KCNJ8: variants seen among roughly 807,000 people sequenced by gnomAD.
The protein encoded by KCNJ8 is ATP-sensitive inward rectifier potassium channel 8.
Under a neutral mutation model 28.2 loss-of-function variants are expected in KCNJ8, and 13 were observed. The observed-to-expected ratio is 0.46, with a 90% CI of 0.30 to 0.73. The LOEUF (loss-of-function observed/expected upper bound fraction) is 0.73. Among genes scored for constraint, KCNJ8 ranks in the 30% least tolerant of loss-of-function variants. The probability of loss-of-function intolerance (pLI) is 0.07; values close to 1 mark genes in which losing one functional copy is unlikely to be tolerated. For synonymous variants in KCNJ8, 188 were observed against 195.9 expected, an observed-to-expected ratio of 0.96 and a Z score of 0.34; for missense variants, 284 against 542.6, an observed-to-expected ratio of 0.52 and a Z score of 4.73.
chr12:21,772,377 T>TC (rs1445203828), intron 2 of KCNJ8, among the ~76,000 whole-genome samples: 1 of 151,892 alleles, frequency 6.6e-6, no homozygotes, highest in African/African-American at 2.4e-5. Flanking sequence ...TCTTTCCACC[T>TC]CCCCCCGAAA....
intron 2 of KCNJ8, among the ~76,000 whole-genome samples, chr12:21,771,541 G>T (rs201342557): frequency 6.6e-6 from 1 of 152,166 alleles, no homozygotes; most frequent in African/African-American, 2.4e-5. Flanking sequence ...ACATTATTTG[G>T]AAATACTGGT....
intron 2 of KCNJ8, among the ~76,000 whole-genome samples, chr12:21,771,992 A>G (rs1276352503): frequency 6.6e-6 from 1 of 152,262 alleles, no homozygotes; most frequent in Non-Finnish European, 1.5e-5. Flanking sequence ...CAATATTAAA[A>G]GCAATAGATC....
intron 2 of KCNJ8, among the ~76,000 whole-genome samples, chr12:21,772,626 T>G (rs1303146365): frequency 2.0e-5 from 3 of 152,224 alleles, no homozygotes; most frequent in Non-Finnish European, 4.4e-5. Context: ...CATTAAAAAT[T>G]AGCAATTTCT....
chr12:21,773,768 T>G lies in KCNJ8; in HGVS notation c.-70-82A>C. On this transcript the variant is annotated intron_variant, in intron 1 of 2. Transcript: ENST00000240662. This position sits in a 1 kb window ranked among gnomAD's most constrained non-coding sequence, Gnocchi z 4.6. ...GGGTCCTTGTATTCAAGGATATGTCTGTACATGTGCGAGGTGACATGCAAA... is the reference window on the plus strand; with the variant it reads ...GGGTCCTTGTATTCAAGGATATGTCGGTACATGTGCGAGGTGACATGCAAA... The G allele has an allele frequency of 9.9e-7, 1 of 1,012,160 alleles. No homozygotes were observed. 62.7% of individuals were successfully genotyped at this position (1,012,160 alleles called of 1,614,324 possible).
At chr12:21,770,852 C>A (rs1272720564) in intron 2 of KCNJ8, among the ~76,000 whole-genome samples, 3 of 152,198 alleles carry the variant, frequency 2.0e-5, no homozygotes, top group African/African-American at 7.2e-5. Flanking sequence ...CATTAGCAAT[C>A]TCTCAAAGTA....
At chr12:21,771,011 C>T (rs1412621543) in intron 2 of KCNJ8, among the ~76,000 whole-genome samples, 9 of 152,102 alleles carry the variant, frequency 5.9e-5, no homozygotes, top group Admixed American at 2.0e-4. Flanking sequence ...AAGTGAAGTG[C>T]GAAAGTTGCC....
At chr12:21,767,634 A>G (rs549393253) in intron 2 of KCNJ8, among the ~76,000 whole-genome samples, 5 of 152,272 alleles carry the variant, frequency 3.3e-5, no homozygotes, top group Non-Finnish European at 4.4e-5. Context: ...CCTGGCTCCA[A>G]AAAGGTTGGG....
intron 2 of KCNJ8, among the ~76,000 whole-genome samples, chr12:21,767,300 G>T (rs777963757): frequency 7.0e-6 from 1 of 142,938 alleles, no homozygotes; most frequent in African/African-American, 2.7e-5. Context: ...TTAAGTCAGG[G>T]GTCCCCAACC....
In KCNJ8 at chr12:21,773,228, C is replaced by T. The variant is rs532763090; in HGVS notation, c.374+15G>A. 3.7e-6 allele frequency: 6 copies of T among 1,612,412 alleles called. No homozygotes were observed. Among genetic ancestry groups the T allele is most frequent in the Non-Finnish European group, 5.1e-6 (6 of 1,179,910 alleles). On this transcript the variant is annotated intron_variant, in intron 2 of 2. Coordinates refer to ENST00000240662, the MANE Select transcript of KCNJ8 (RefSeq NM_004982.4). This position sits in a 1 kb window ranked among gnomAD's most constrained non-coding sequence, Gnocchi z 4.6. ...TACTGTTTTCAACCCCTGCCTCATCCCACTACATTCTTACCTGACATTAGT... is the reference window on the plus strand; with the variant it reads ...TACTGTTTTCAACCCCTGCCTCATCTCACTACATTCTTACCTGACATTAGT...
chr12:21,773,520 T>C lies in KCNJ8; in HGVS notation c.97A>G (p.Lys33Glu), dbSNP rs1940809241. The C allele has an allele frequency of 4.3e-6, 7 of 1,614,252 alleles. No individual in the cohort carries two copies. The East Asian group carries it at 1.3e-4, about 31-fold the overall frequency. Residue 33 changes from lysine to glutamate, a missense_variant, in exon 2 of 3, where the codon AAA (lysine) becomes GAA (glutamate). Physicochemically the swap from Lys to Glu is moderately conservative, Grantham distance 56. This residue lies in a region of KCNJ8 where 54 missense variants were observed against 77.5 expected (regional missense o/e 0.70). Transcript: ENST00000240662. The surrounding 1 kb of genome is among the most constrained non-coding windows in gnomAD (Gnocchi z 4.6). ...CCGCTCTTGGCGATGAAGCGGGCTTTGGGGAGGCGGTCTCGGATGCGCGGC... is the reference window on the plus strand; with the variant it reads ...CCGCTCTTGGCGATGAAGCGGGCTTCGGGGAGGCGGTCTCGGATGCGCGGC... The part of the protein sequence containing the change: ...RKPRIRDRLP[K>E]ARFIAKSGAC...
In KCNJ8 at chr12:21,766,819, T is replaced by C; in HGVS notation, c.375-196A>G. On this transcript the variant is annotated intron_variant, in intron 2 of 2. Transcript: ENST00000240662. This position sits in a 1 kb window ranked among gnomAD's most constrained non-coding sequence, Gnocchi z 6.5. ...TCTCTCTCTCTTGCATGCATCTACCTCCAGACTTCTGGAGATTAACATTCT... is the reference window on the plus strand; with the variant it reads ...TCTCTCTCTCTTGCATGCATCTACCCCCAGACTTCTGGAGATTAACATTCT... 1.6e-6 allele frequency: 1 copy of C among 606,374 alleles called. No individual in the cohort carries two copies. The allele number at this position is 606,374 out of a possible 1,614,324, so 37.6% of individuals were successfully genotyped here. A position where few individuals can be genotyped will look rare whatever the true frequency, so the allele number is the denominator to read the frequency against.
rs1220035785 is a variant in KCNJ8, at chr12:21,773,869, T to C, written c.-70-183A>G. 6.6e-6 allele frequency among the ~76,000 whole-genome samples: 1 copy of C among 152,240 alleles called. No individual in the cohort carries two copies. The highest frequency in any genetic ancestry group is 1.5e-5 in the Non-Finnish European group (1 of 68,042). On this transcript the variant is annotated intron_variant, in intron 1 of 2. Coordinates refer to ENST00000240662, the MANE Select transcript of KCNJ8 (RefSeq NM_004982.4). This position sits in a 1 kb window ranked among gnomAD's most constrained non-coding sequence, Gnocchi z 4.6. ...AGTTCTGGGATCTCAGAAAAATTAC[T>C]TGGTTTTAATAAAAAGAACTGTTTC...
At position 21,766,943 on chromosome 12, in the gene KCNJ8, A is replaced by C. The variant is rs1159653974; in HGVS notation, c.375-320T>G. ...TGGGCCTAATTTGTGTAAAAGATTA[A>C]TATATTTTCATATATATGCATATTT... is the stretch of plus-strand genomic sequence containing the variant. On this transcript the variant is annotated intron_variant, in intron 2 of 2. Transcript: ENST00000240662. The surrounding 1 kb of genome is among the most constrained non-coding windows in gnomAD (Gnocchi z 6.5). 6.6e-6 allele frequency among the ~76,000 whole-genome samples: 1 copy of C among 152,178 alleles called. No individual in the cohort carries two copies. The highest frequency in any genetic ancestry group is 1.5e-5 in the Non-Finnish European group (1 of 68,032).
intron 2 of KCNJ8, among the ~76,000 whole-genome samples, chr12:21,771,247 CTATT>C (rs1273000044): frequency 6.6e-6 from 1 of 152,148 alleles, no homozygotes; most frequent in African/African-American, 2.4e-5. Flanking sequence ...GTTTAAGAGA[CTATT>C]CATGAGCCAC....
intron 2 of KCNJ8, among the ~76,000 whole-genome samples, chr12:21,771,956 T>C (rs1940766623): frequency 6.6e-6 from 1 of 152,170 alleles, no homozygotes; most frequent in Admixed American, 6.5e-5. Flanking sequence ...TTGTGAGAAG[T>C]TTGAAAAAAG....
chr12:21,771,309 C>G (rs1940749943), intron 2 of KCNJ8, among the ~76,000 whole-genome samples: 1 of 152,112 alleles, frequency 6.6e-6, no homozygotes, highest in Non-Finnish European at 1.5e-5. Flanking sequence ...TGGTACAAGA[C>G]CCAGCTTTTT....
Position 21,765,575 on chromosome 12 carries a change from GAA to G in KCNJ8, c.*146_*147del. 1.4e-6 allele frequency: 1 copy of G among 737,498 alleles called. No homozygotes were observed. The highest frequency in any genetic ancestry group is 1.6e-5 in the South Asian group (1 of 64,216). The allele number at this position is 737,498 out of a possible 1,614,324, so 45.7% of individuals were successfully genotyped here. On this transcript the variant is annotated 3_prime_UTR_variant, in exon 3 of 3. Coordinates refer to ENST00000240662, the MANE Select transcript of KCNJ8 (RefSeq NM_004982.4). ...TGGTGTGTTACTTTTTATTACTACA[GAA>G]AGTGCTGTTGCTTGAATATGAATAT...
Position 21,773,326 on chromosome 12 carries a change from G to T in KCNJ8, c.291C>A (p.Ala97=). 2 of 1,614,118 alleles carry T rather than the reference G, an allele frequency of 1.2e-6. No individual in the cohort carries two copies. The highest frequency in any genetic ancestry group is 1.3e-5 in the African/African-American group (1 of 75,012). Residue 97 remains alanine (A), a synonymous_variant, in exon 2 of 3, where the codon GCC becomes GCA. Transcript: ENST00000240662. This position sits in a 1 kb window ranked among gnomAD's most constrained non-coding sequence, Gnocchi z 4.6. The part of the protein sequence containing the change: ...FAIMWWLVAF[A]HGDIYAYMEK... ...CCATGTAAGCATAGATGTCCCCATG[G>T]GCAAAGGCCACCAGCCACCACATGA...
Position 21,773,590 on chromosome 12 carries a change from C to G in KCNJ8, c.27G>C (p.Pro9=), listed in dbSNP as rs769737474. The change falls in exon 2 of 3, where the codon CCG becomes CCC. Residue 9 remains proline, a synonymous_variant. Coordinates refer to ENST00000240662, the MANE Select transcript of KCNJ8 (RefSeq NM_004982.4). The surrounding 1 kb of genome is among the most constrained non-coding windows in gnomAD (Gnocchi z 4.6). MLARKSII[P]EEYVLARIAA... is the part of the protein sequence containing the mutation. ...CGATGCGCGCCAGCACATACTCCTC[C>G]GGGATGATACTCTTTCTGGCCAACA... 8 of 1,613,524 alleles carry G rather than the reference C, an allele frequency of 5.0e-6. No homozygotes were observed. In the South Asian group the frequency reaches 5.5e-5, roughly 11 times the overall value.
Sources: allele counts gnomAD v4.1 joint callset (sites outside exome capture counted in the v4.1 genomes callset), GRCh38; gene constraint gnomAD v4.1.1; regional missense constraint gnomAD v4.1.1; non-coding constraint Gnocchi (gnomAD v3.1); transcripts MANE v1.5; gene names NCBI Gene and HGNC (gene_info 2026-07-23, HGNC 2026-07-21).